TMEM229B: variants seen among roughly 807,000 people sequenced by gnomAD.
TMEM229B encodes transmembrane protein 229B.
TMEM229B carries 6 observed loss-of-function variants against 13.7 expected under a neutral mutation model. The observed-to-expected ratio is 0.44, with a 90% CI of 0.24 to 0.86. TMEM229B has a LOEUF of 0.86. Ranked by LOEUF, TMEM229B falls within the 40% of genes least tolerant of loss-of-function variation. The pLI is 0.23. For missense variants in TMEM229B, 170 were observed against 236.0 expected, an observed-to-expected ratio of 0.72 and a Z score of 1.83; for synonymous variants, 107 against 102.1, an observed-to-expected ratio of 1.05 and a Z score of -0.29.
chr14:67,518,094 G>T (rs994376587), upstream of TMEM229B, among the ~76,000 whole-genome samples: 3 of 152,202 alleles, frequency 2.0e-5, no homozygotes, highest in Non-Finnish European at 4.4e-5. Context: ...CAGTAATCAT[G>T]GTTCTAGTGA....
At chr14:67,525,631 T>G (rs1330955859) in intron 1 of TMEM229B, among the ~76,000 whole-genome samples, 1 of 152,252 alleles carries the variant, frequency 6.6e-6, no homozygotes, top group Non-Finnish European at 1.5e-5. Flanking sequence ...AAGGTCCTAG[T>G]AACATTTTAG....
In TMEM229B at chr14:67,473,432, G is replaced by C. The variant is rs766780967; in HGVS notation, c.492C>G (p.Val164=). ...SGALALANGH[V]KTD is the part of the protein sequence containing the mutation. ...ACCCGCTTCCTGCTCAGTCAGTCTT[G>C]ACATGGCCGTTGGCCAGGGCTAGGG... The change falls in exon 3 of 3, where the codon GTC becomes GTG. Residue 164 remains valine (V), a synonymous_variant. Coordinates refer to ENST00000554480, the MANE Select transcript of TMEM229B (RefSeq NM_001348543.2). The surrounding 1 kb of genome is among the most constrained non-coding windows in gnomAD (Gnocchi z 6.5). The C allele has an allele frequency of 6.2e-7, 1 of 1,613,960 alleles. No homozygotes were observed. The highest frequency in any genetic ancestry group is 1.1e-5 in the South Asian group (1 of 91,004).
In TMEM229B at chr14:67,473,876, A is replaced by AT. The variant is rs1200773165; in HGVS notation, c.47dup (p.Tyr16Ter). The part of the protein sequence containing the change: ...PLTALSRWYL[Y>*]AIHGYFCEVM... ...CCTCGCAGAAGTAGCCGTGGATGGC[A>AT]TACAGGTACCAGCGGGACAGCGCCG... is the stretch of plus-strand genomic sequence containing the variant. The change falls in exon 3 of 3, where the codon TAT becomes TAAT. Residue 16 changes from tyrosine (Y) to a stop codon, truncating the protein, a stop_gained and frameshift_variant. Coordinates refer to ENST00000554480, the MANE Select transcript of TMEM229B (RefSeq NM_001348543.2). LOFTEE classifies it high-confidence loss of function. This position sits in a 1 kb window ranked among gnomAD's most constrained non-coding sequence, Gnocchi z 6.5. 1 of 1,611,842 alleles carries AT rather than the reference A, an allele frequency of 6.2e-7. No individual in the cohort carries two copies. The highest frequency in any genetic ancestry group is 1.7e-5 in the Admixed American group (1 of 59,744).
chr14:67,524,985 T>C (rs1165774218), intron 1 of TMEM229B, among the ~76,000 whole-genome samples: 1 of 152,196 alleles, frequency 6.6e-6, no homozygotes, highest in African/African-American at 2.4e-5. Flanking sequence ...GACTGGCAGG[T>C]TGTGGCTTTA....
chr14:67,532,224 G>A (rs1376331852), intron 1 of TMEM229B, among the ~76,000 whole-genome samples: 2 of 152,176 alleles, frequency 1.3e-5, no homozygotes, highest in Non-Finnish European at 2.9e-5. Flanking sequence ...TAGAGATTCA[G>A]ATTCAAACCC....
upstream of TMEM229B, among the ~76,000 whole-genome samples, chr14:67,491,458 A>T (rs1003096637): frequency 1.3e-5 from 2 of 152,158 alleles, no homozygotes; most frequent in East Asian, 3.9e-4. Context: ...CCACCCCACC[A>T]CTTCCCCAGT....
At chr14:67,478,853 A>T (rs1156492859) in intron 2 of TMEM229B, among the ~76,000 whole-genome samples, 1 of 152,194 alleles carries the variant, frequency 6.6e-6, no homozygotes, top group Non-Finnish European at 1.5e-5. Context: ...CACTGGATTC[A>T]TCTGAACGCC....
chr14:67,486,633 A>G (rs540253709), intron 2 of TMEM229B, among the ~76,000 whole-genome samples: 1 of 152,116 alleles, frequency 6.6e-6, no homozygotes, highest in South Asian at 2.1e-4. Context: ...CTTGCTACCA[A>G]CCTTGTAATA....
At chr14:67,518,105 T>C (rs529665444), upstream of TMEM229B, among the ~76,000 whole-genome samples, 1 of 152,270 alleles carries the variant, frequency 6.6e-6, no homozygotes, top group African/African-American at 2.4e-5. Flanking sequence ...GTTCTAGTGA[T>C]TCAAGTACAG....
chr14:67,531,168 C>G (rs1352613300), intron 1 of TMEM229B, among the ~76,000 whole-genome samples: 1 of 152,148 alleles, frequency 6.6e-6, no homozygotes, highest in Non-Finnish European at 1.5e-5. Flanking sequence ...ATAGTCCCAG[C>G]TACCTGGGAG....
rs143669720 is a variant in TMEM229B at position 67,480,233 on chromosome 14, C to T, written c.-18-6292G>A. ...TGCAGGGTCACTGTGCCCCTGCTCTCGGCAGCCTCCAGGCAGCCCTTCCTG... is the reference window on the plus strand; with the variant it reads ...TGCAGGGTCACTGTGCCCCTGCTCTTGGCAGCCTCCAGGCAGCCCTTCCTG... On this transcript the variant is annotated intron_variant, in intron 2 of 2. Coordinates refer to ENST00000554480, the MANE Select transcript of TMEM229B (RefSeq NM_001348543.2). Among the ~76,000 whole-genome samples, 1,463 of 152,252 alleles carry T rather than the reference C, an allele frequency of 9.6e-3. 12 individuals carry two copies. Among genetic ancestry groups the T allele is most frequent in the Middle Eastern group, 0.017 (5 of 294 alleles).
chr14:67,501,284 C>T (rs1014366170), intron 1 of TMEM229B, among the ~76,000 whole-genome samples: 2 of 151,968 alleles, frequency 1.3e-5, no homozygotes, highest in Non-Finnish European at 2.9e-5. Flanking sequence ...TAGGGTGAGA[C>T]AAGACATGCA....
chr14:67,491,500 A>G (rs1373238677), upstream of TMEM229B, among the ~76,000 whole-genome samples: 2 of 152,194 alleles, frequency 1.3e-5, no homozygotes, highest in Non-Finnish European at 2.9e-5. Flanking sequence ...GGTGTTATCA[A>G]AGGTGCTTAT....
Position 67,473,444 on chromosome 14 carries a change from G to A in TMEM229B, c.480C>T (p.Ala160=). 1 of 1,614,080 alleles carries A rather than the reference G, an allele frequency of 6.2e-7. No individual in the cohort carries two copies. Among genetic ancestry groups the A allele is most frequent in the South Asian group, 1.1e-5 (1 of 91,058 alleles). The change falls in exon 3 of 3, where the codon GCC becomes GCT. Residue 160 remains alanine, a synonymous_variant. Coordinates refer to ENST00000554480, the MANE Select transcript of TMEM229B (RefSeq NM_001348543.2). This position sits in a 1 kb window ranked among gnomAD's most constrained non-coding sequence, Gnocchi z 6.5. ...PGEPSGALAL[A]NGHVKTD ...CTCAGTCAGTCTTGACATGGCCGTTGGCCAGGGCTAGGGCGCCGCTGGGCT... is the reference window on the plus strand; with the variant it reads ...CTCAGTCAGTCTTGACATGGCCGTTAGCCAGGGCTAGGGCGCCGCTGGGCT...
upstream of TMEM229B, among the ~76,000 whole-genome samples, chr14:67,490,817 G>A (rs1363549713): frequency 6.6e-6 from 1 of 151,840 alleles, no homozygotes; most frequent in Non-Finnish European, 1.5e-5. Flanking sequence ...AAATCTCCCT[G>A]TAAAGGAAAA....
At chr14:67,477,039 G>A (rs749779048) in intron 2 of TMEM229B, among the ~76,000 whole-genome samples, 60 of 152,038 alleles carry the variant, frequency 3.9e-4, no homozygotes, top group Admixed American at 2.6e-4. Flanking sequence ...GGTGGCATGC[G>A]CCTATAATCC....
At chr14:67,474,535 TGTAA>T (rs1038967692) in intron 2 of TMEM229B, among the ~76,000 whole-genome samples, 2 of 152,214 alleles carry the variant, frequency 1.3e-5, no homozygotes, top group Non-Finnish European at 2.9e-5. Flanking sequence ...ATTTCTGAGA[TGTAA>T]GTGACTCATC....
chr14:67,516,719 G>C (rs546620845), upstream of TMEM229B, among the ~76,000 whole-genome samples: 4 of 152,342 alleles, frequency 2.6e-5, no homozygotes, highest in African/African-American at 9.6e-5. Context: ...TCAAAGCTGG[G>C]AGTAGGAAAT....
chr14:67,497,847 A>G (rs1249172264), intron 1 of TMEM229B, among the ~76,000 whole-genome samples: 2 of 150,154 alleles, frequency 1.3e-5, no homozygotes, highest in African/African-American at 4.9e-5. Context: ...TGTATGTTAC[A>G]TTCTCGGTGA....
Sources: gnomAD v4.1 joint callset for allele counts (sites outside exome capture counted in the v4.1 genomes callset) on GRCh38, gnomAD v4.1.1 for gene constraint, Gnocchi (gnomAD v3.1) non-coding constraint, MANE v1.5 for transcripts, NCBI Gene and HGNC (gene_info 2026-07-23, HGNC 2026-07-21) for gene names.